Variants in SYK observed in about 807,000 individuals in gnomAD.
SYK encodes the protein spleen associated tyrosine kinase.
SYK carries 16 observed loss-of-function variants against 77.8 expected under a neutral mutation model. The ratio of observed to expected loss-of-function variants is 0.21; its 90% CI spans 0.14 to 0.31. The LOEUF (loss-of-function observed/expected upper bound fraction) is 0.31, where lower values mean the gene tolerates loss of function less well. Ranked by LOEUF, SYK falls within the 10% of genes least tolerant of loss-of-function variation. The probability of loss-of-function intolerance (pLI) is 1.00; values close to 1 mark genes in which losing one functional copy is unlikely to be tolerated. For missense variants in SYK, 529 were observed against 814.4 expected (o/e 0.65, Z 4.26); for synonymous variants, 312 against 308.7 (o/e 1.01, Z -0.11).
Position 90,843,869 on chromosome 9 carries a change from C to G in SYK, c.-30C>G, listed in dbSNP as rs777493381. The G allele has an allele frequency of 6.8e-7, 1 of 1,473,196 alleles. No homozygotes were observed. 91.3% of individuals were successfully genotyped at this position (1,473,196 alleles called of 1,614,324 possible). A position where few individuals can be genotyped will look rare whatever the true frequency, so the allele number is the denominator to read the frequency against. ...TCTGTCTTGCCCAGGTGGACACCTG[C>G]GCAGGTGTGTGCCCTCCGGCCCCTG... On this transcript the variant is annotated 5_prime_UTR_variant, in exon 2 of 14. Transcript: ENST00000375754.
intron 6 of SYK, among the ~76,000 whole-genome samples, chr9:90,865,569 A>G (rs1247131487): frequency 6.6e-6 from 1 of 152,118 alleles, no homozygotes; most frequent in East Asian, 1.9e-4. Flanking sequence ...TCGACCTCCC[A>G]AAGTGCTTGG....
chr9:90,867,066 T>C, intron 6 of SYK, 65 bp from the exon 7 acceptor site: 1 of 1,586,824 alleles, frequency 6.3e-7, no homozygotes, highest in Non-Finnish European at 8.6e-7. Flanking sequence ...TAGCATGTCG[T>C]GGAAGGGATC....
rs1242935857 is a variant in SYK at position 90,884,511 on chromosome 9, A to G, written c.1582-3238A>G. 6.9e-5 allele frequency among the ~76,000 whole-genome samples: 8 copies of G among 115,264 alleles called. 3 individuals carry two copies. Among genetic ancestry groups the G allele is most frequent in the Admixed American group, 2.5e-4 (3 of 12,118 alleles). The allele number at this position is 115,264 out of a possible 152,430, so 75.6% of individuals were successfully genotyped here. ...CATACACATATGTGTACATGTACAT[A>G]CATACACATACACATATGTGTACAT... On this transcript the variant is annotated intron_variant, in intron 11 of 13. Transcript: ENST00000375754.
Position 90,862,238 on chromosome 9 carries a change from C to T in SYK, c.611C>T (p.Ala204Val), listed in dbSNP as rs1435690353. 2 of 1,613,882 alleles carry T rather than the reference C, an allele frequency of 1.2e-6. No individual in the cohort carries two copies. The highest frequency in any genetic ancestry group is 1.1e-5 in the South Asian group (1 of 91,062). Residue 204 changes from alanine (A) to valine (V), a missense_variant, in exon 4 of 14, where the codon GCC becomes GTC. Physicochemically the swap from Ala to Val is moderately conservative, Grantham distance 64. This residue lies in a region of SYK where 321 missense variants were observed against 433.1 expected (regional missense o/e 0.74). Transcript: ENST00000375754. The stretch of plus-strand genomic sequence containing the variant: ...GCCAGAGACAACAACGGCTCCTACG[C>T]CCTGTGCCTGCTGCACGAAGGGAAG... ...IRARDNNGSY[A>V]LCLLHEGKVL...
At chr9:90,891,142 CTTTTTTTTTTTTT>C (rs750370621) in intron 13 of SYK, among the ~76,000 whole-genome samples, 12 of 119,070 alleles carry the variant, frequency 1.0e-4, no homozygotes, top group Non-Finnish European at 1.7e-5. Context: ...ATGTTGCCTG[CTTTTTTTTTTTTT>C]TTTTTTTTGA....
chr9:90,834,995 T>C (rs1485532280), intron 1 of SYK, among the ~76,000 whole-genome samples: 4 of 151,994 alleles, frequency 2.6e-5, no homozygotes, highest in East Asian at 1.9e-4. Flanking sequence ...GCTGTCATGA[T>C]TGGGGAATGG....
intron 9 of SYK, among the ~76,000 whole-genome samples, 195 bp from the exon 10 acceptor site, chr9:90,877,376 C>G (rs1441610656): frequency 6.6e-6 from 1 of 152,212 alleles, no homozygotes; most frequent in Non-Finnish European, 1.5e-5. Flanking sequence ...GAGTATTACT[C>G]TCATTGTCTA....
intron 1 of SYK, among the ~76,000 whole-genome samples, chr9:90,818,326 A>G (rs893767014): frequency 1.3e-5 from 2 of 152,244 alleles, no homozygotes; most frequent in Admixed American, 6.5e-5. Flanking sequence ...TCAACAAATA[A>G]GCAGGAAACA....
chr9:90,848,837 G>A (rs1473060857), intron 3 of SYK, among the ~76,000 whole-genome samples: 1 of 152,218 alleles, frequency 6.6e-6, no homozygotes, highest in Admixed American at 6.5e-5. Flanking sequence ...TTAAGTAAGG[G>A]CGTAGAGCAC....
intron 1 of SYK, among the ~76,000 whole-genome samples, chr9:90,836,197 G>A (rs922769532): frequency 4.0e-5 from 6 of 151,196 alleles, no homozygotes; most frequent in Non-Finnish European, 7.4e-5. Flanking sequence ...TGAGGCAGGA[G>A]AACAGCGTGA....
chr9:90,868,149 A>G (rs1394851164), intron 7 of SYK, among the ~76,000 whole-genome samples: 1 of 152,218 alleles, frequency 6.6e-6, no homozygotes, highest in Non-Finnish European at 1.5e-5. Context: ...AGAAGTTCTC[A>G]ATCGTGTTGA....
At chr9:90,851,444 G>T (rs1459066155) in intron 3 of SYK, among the ~76,000 whole-genome samples, 1 of 152,166 alleles carries the variant, frequency 6.6e-6, no homozygotes, top group South Asian at 2.1e-4. Context: ...GGCAGTGTGG[G>T]TCAGTGGTTG....
intron 1 of SYK, among the ~76,000 whole-genome samples, chr9:90,817,054 T>C (rs1825316903): frequency 2.0e-5 from 3 of 152,206 alleles, no homozygotes; most frequent in Non-Finnish European, 4.4e-5. Context: ...TAAAACATTA[T>C]GAGTTTTTTG....
At chr9:90,822,336 A>C (rs1825546830) in intron 1 of SYK, among the ~76,000 whole-genome samples, 1 of 152,134 alleles carries the variant, frequency 6.6e-6, no homozygotes, top group Non-Finnish European at 1.5e-5. Flanking sequence ...TGTGACTGGC[A>C]CTGTTTTGGT....
intron 1 of SYK, among the ~76,000 whole-genome samples, chr9:90,808,642 C>T (rs1346603043): frequency 6.6e-6 from 1 of 151,950 alleles, no homozygotes; most frequent in Non-Finnish European, 1.5e-5. Flanking sequence ...TATGGCCATG[C>T]CTTCCCTATT....
At chr9:90,812,762 TGTGTGTGTGTGTGTGTGAGAGAGA>T (rs1245129793) in intron 1 of SYK, among the ~76,000 whole-genome samples, 40 of 89,046 alleles carry the variant, frequency 4.5e-4, no homozygotes, top group African/African-American at 1.2e-3. Context: ...TGTGTGTGTG[TGTGTGTGTGTGTGTGTGAGAGAGA>T]GAGATTGAGA....
rs1829019538 is a variant in SYK at position 90,897,089 on chromosome 9, A to G, written c.*1489A>G. 2 of 225,530 alleles carry G rather than the reference A, an allele frequency of 8.9e-6. No homozygotes were observed. The highest frequency in any genetic ancestry group is 1.8e-5 in the Non-Finnish European group (2 of 113,114). The allele number at this position is 225,530 out of a possible 1,614,324, so 14.0% of individuals were successfully genotyped here. ...AGCCATCATTCTTATGCCAGCAGAT[A>G]TAAATAAACTTGGACCCATCTGGTC... On this transcript the variant is annotated 3_prime_UTR_variant, in exon 14 of 14. Transcript: ENST00000375754.
At chr9:90,860,481 G>A (rs989449652) in intron 3 of SYK, among the ~76,000 whole-genome samples, 5 of 152,098 alleles carry the variant, frequency 3.3e-5, no homozygotes, top group African/African-American at 1.2e-4. Context: ...ACCAACTGCT[G>A]GCTGTAGTCG....
intron 1 of SYK, among the ~76,000 whole-genome samples, chr9:90,819,167 A>G (rs1428125950): frequency 1.3e-5 from 2 of 152,180 alleles, no homozygotes. Context: ...GCCCTTGGTG[A>G]ATATCTTAGA....
Sources: gnomAD v4.1 joint callset for allele counts (sites outside exome capture counted in the v4.1 genomes callset) on GRCh38, gnomAD v4.1.1 for gene constraint, gnomAD v4.1.1 regional missense constraint, MANE v1.5 for transcripts, NCBI Gene and HGNC (gene_info 2026-07-23, HGNC 2026-07-21) for gene names.